IL23R: variants seen among roughly 807,000 people sequenced by gnomAD.
IL23R encodes interleukin 23 receptor.
A neutral mutation model predicts 56.9 loss-of-function variants in IL23R; 34 were observed. That is an observed-to-expected ratio of 0.60 (90% CI 0.45 to 0.80). IL23R has a LOEUF of 0.80. IL23R is among the 30% of genes least tolerant of loss of function. IL23R has a pLI of 0.00. For missense variants in IL23R, 635 were observed against 730.0 expected (o/e 0.87, Z 1.50); for synonymous variants, 230 against 249.2 (o/e 0.92, Z 0.73).
At chr1:67,163,823 C>T (rs1432345353), upstream of IL23R, among the ~76,000 whole-genome samples, 1 of 152,208 alleles carries the variant, frequency 6.6e-6, no homozygotes, top group East Asian at 1.9e-4. Context: ...GGCTATAGAA[C>T]TGTGAGCCAA....
chr1:67,163,634 T>C (rs1055239066), upstream of IL23R, among the ~76,000 whole-genome samples: 8 of 151,848 alleles, frequency 5.3e-5, no homozygotes, highest in Admixed American at 1.3e-4. Context: ...TGAGAGCGAG[T>C]TCTCGTTCAG....
intron 1 of IL23R, among the ~76,000 whole-genome samples, chr1:67,149,147 A>G (rs115499118): frequency 6.6e-6 from 1 of 152,270 alleles, no homozygotes; most frequent in African/African-American, 2.4e-5. Flanking sequence ...TTCTTACACT[A>G]TCAGATCCTC....
intron 5 of IL23R, among the ~76,000 whole-genome samples, chr1:67,205,916 T>TTTCTTTCTTTC (rs1649001149): frequency 5.8e-5 from 3 of 51,650 alleles, no homozygotes; most frequent in Non-Finnish European, 1.1e-4. Flanking sequence ...TCTTTCTTTC[T>TTTCTTTCTTTC]TTCTTTCTTT....
chr1:67,211,538 G>A (rs992172317), intron 6 of IL23R, among the ~76,000 whole-genome samples: 5 of 151,890 alleles, frequency 3.3e-5, no homozygotes, highest in Admixed American at 6.6e-5. Flanking sequence ...CAAGAGAATC[G>A]CTTGAATCTG....
chr1:67,177,883 C>T (rs1342744822), intron 3 of IL23R, among the ~76,000 whole-genome samples: 1 of 150,996 alleles, frequency 6.6e-6, no homozygotes, highest in Admixed American at 6.6e-5. Flanking sequence ...GAATCCTTTC[C>T]CTATTGCTCG....
chr1:67,195,878 G>T (rs1357163301), intron 4 of IL23R, among the ~76,000 whole-genome samples: 1 of 152,150 alleles, frequency 6.6e-6, no homozygotes, highest in South Asian at 2.1e-4. Context: ...CATAAGGCTG[G>T]TTCCTTTTCT....
rs1186094729 is a variant in IL23R, at chr1:67,236,706, G to A, written c.956-7G>A. The A allele has an allele frequency of 6.2e-7, 1 of 1,604,622 alleles. No individual in the cohort carries two copies. Among genetic ancestry groups the A allele is most frequent in the East Asian group, 2.2e-5 (1 of 44,830 alleles). ...AAGAAACTGACACTCTTTCCTTTTG[G>A]TTTAAGTTCCCCAGGTCACATCAAA... On this transcript the variant is annotated splice_polypyrimidine_tract_variant and splice_region_variant and intron_variant, in intron 7 of 10. Transcript: ENST00000347310.
downstream of IL23R, chr1:67,260,007 C>T (rs1169875609): frequency 6.9e-6 from 1 of 144,544 alleles, no homozygotes; most frequent in African/African-American, 2.6e-5. Flanking sequence ...CTAATACTTG[C>T]TTGCAAAGGG....
intron 1 of IL23R, among the ~76,000 whole-genome samples, chr1:67,157,665 TGCTTCCTC>T (rs1477784574): frequency 6.6e-6 from 1 of 152,242 alleles, no homozygotes; most frequent in Non-Finnish European, 1.5e-5. Context: ...CTCCATGGCC[TGCTTCCTC>T]GCTTCTATTA....
intron 1 of IL23R, among the ~76,000 whole-genome samples, chr1:67,145,750 G>T (rs1325330327): frequency 6.6e-6 from 1 of 152,210 alleles, no homozygotes; most frequent in Non-Finnish European, 1.5e-5. Context: ...TCACAAAACT[G>T]CATTCTCTGG....
chr1:67,172,511 C>A (rs1162052674), intron 3 of IL23R, among the ~76,000 whole-genome samples: 3 of 152,132 alleles, frequency 2.0e-5, no homozygotes, highest in African/African-American at 7.2e-5. Flanking sequence ...AGACTAAATG[C>A]ACACATATTA....
chr1:67,147,924 T>C (rs1646694296), intron 1 of IL23R, among the ~76,000 whole-genome samples: 1 of 152,104 alleles, frequency 6.6e-6, no homozygotes, highest in African/African-American at 2.4e-5. Flanking sequence ...GCTTCCAAGA[T>C]GGTGGCAAGC....
chr1:67,235,441 C>T (rs931156498), intron 7 of IL23R, among the ~76,000 whole-genome samples: 21 of 151,024 alleles, frequency 1.4e-4, no homozygotes, highest in Admixed American at 9.9e-4. Context: ...TCACCCAGGC[C>T]GGAGTGCTAT....
At chr1:67,163,345 T>C (rs1034338544), upstream of IL23R, among the ~76,000 whole-genome samples, 1 of 150,732 alleles carries the variant, frequency 6.6e-6, no homozygotes, top group Non-Finnish European at 1.5e-5. Context: ...GGCAGGTGTG[T>C]GTAGTCCCAG....
chr1:67,183,202 T>C (rs916744743), intron 4 of IL23R, among the ~76,000 whole-genome samples: 25 of 152,220 alleles, frequency 1.6e-4, no homozygotes, highest in African/African-American at 6.0e-4. Context: ...AGGTAACTGG[T>C]AGCAGGCTCC....
chr1:67,238,254 G>A (rs1651613296), intron 8 of IL23R, among the ~76,000 whole-genome samples: 1 of 151,692 alleles, frequency 6.6e-6, no homozygotes, highest in South Asian at 2.1e-4. Flanking sequence ...AGGCTGAGGT[G>A]GGAGGATCAA....
intron 5 of IL23R, among the ~76,000 whole-genome samples, chr1:67,201,935 T>C (rs1648670696): frequency 6.6e-6 from 1 of 152,212 alleles, no homozygotes; most frequent in South Asian, 2.1e-4. Flanking sequence ...CTGTTTTCAG[T>C]TTTTAACCAT....
chr1:67,197,870 A>G (rs1648282792), intron 4 of IL23R, among the ~76,000 whole-genome samples: 1 of 152,096 alleles, frequency 6.6e-6, no homozygotes. Context: ...TGGGAGGTCA[A>G]GACTGCAGTG....
At chr1:67,157,282 C>T (rs1646777693) in intron 1 of IL23R, among the ~76,000 whole-genome samples, 1 of 152,168 alleles carries the variant, frequency 6.6e-6, no homozygotes, top group Non-Finnish European at 1.5e-5. Flanking sequence ...TTAACATGTT[C>T]CAAAACAAAT....
Sources: gnomAD v4.1 joint callset for allele counts (sites outside exome capture counted in the v4.1 genomes callset) on GRCh38, gnomAD v4.1.1 for gene constraint, MANE v1.5 for transcripts, NCBI Gene and HGNC (gene_info 2026-07-23, HGNC 2026-07-21) for gene names.